AMY2B: variants seen among roughly 807,000 people sequenced by gnomAD.
AMY2B encodes amylase alpha 2B.
AMY2B carries 63 observed loss-of-function variants against 59.3 expected under a neutral mutation model. The observed-to-expected ratio is 1.06, with a 90% CI of 0.87 to 1.31. The LOEUF (loss-of-function observed/expected upper bound fraction) is 1.31, where lower values mean the gene tolerates loss of function less well. Among genes scored for constraint, AMY2B ranks in the 50% most tolerant of loss-of-function variants. AMY2B has a pLI of 0.00. For synonymous variants in AMY2B, 180 were observed against 198.1 expected, an observed-to-expected ratio of 0.91 and a Z score of 0.77; for missense variants, 635 against 626.7, an observed-to-expected ratio of 1.01 and a Z score of -0.14.
At chr1:103,574,469 T>C (rs1461800257) in intron 5 of AMY2B, 76 bp downstream of exon 5, 7 of 1,602,018 alleles carry the variant, frequency 4.4e-6, no homozygotes, top group Non-Finnish European at 5.9e-6. Flanking sequence ...AGTTATCTTC[T>C]GGAACATTCT....
At position 103,577,484 on chromosome 1, in the gene AMY2B, A is replaced by C. The variant is rs189611691; in HGVS notation, c.1102-6A>C. The C allele has an allele frequency of 8.9e-5, 143 of 1,611,872 alleles. No individual in the cohort carries two copies. The East Asian group carries it at 1.4e-3, about 16-fold the overall frequency. On this transcript the variant is annotated splice_polypyrimidine_tract_variant and splice_region_variant and intron_variant, in intron 7 of 9. Coordinates refer to ENST00000684275, the MANE Select transcript of AMY2B (RefSeq NM_001387437.1). ...TTAAAATTTGGCTTTTCACCCCCTA[A>C]TTAAGGATGTTAATGATTGGGTTGG...
At position 103,573,716 on chromosome 1, in the gene AMY2B, T is replaced by C. The variant is rs781722602; in HGVS notation, c.522T>C (p.Asp174=). The C allele has an allele frequency of 4.3e-6, 7 of 1,613,760 alleles. No homozygotes were observed. The highest frequency in any genetic ancestry group is 1.7e-4 in the Middle Eastern group (1 of 6,054). The change falls in exon 4 of 10, where the codon GAT becomes GAC. Residue 174 remains aspartate, a synonymous_variant. Transcript: ENST00000684275. ...CATTTTTACCTCAACAGGTCAGAGA[T>C]TGTCGTCTGGTTGGTCTTCTTGATC... ...ENYNDATQVR[D]CRLVGLLDLA... is the part of the protein sequence containing the mutation.
At chr1:103,566,479 G>C (rs980583539) in intron 2 of AMY2B, among the ~76,000 whole-genome samples, 4 of 152,098 alleles carry the variant, frequency 2.6e-5, no homozygotes, top group African/African-American at 9.7e-5. Flanking sequence ...ATCACAGTAT[G>C]TTATTTCAAC....
intron 7 of AMY2B, among the ~76,000 whole-genome samples, chr1:103,577,045 G>T (rs1400372693): frequency 2.0e-4 from 30 of 152,242 alleles, no homozygotes; most frequent in Non-Finnish European, 7.4e-5. Context: ...GACCTATCTG[G>T]GCAAGCTAGC....
At position 103,579,251 on chromosome 1, in the gene AMY2B, G is replaced by A. The variant is rs1181917689; in HGVS notation, c.1347-60G>A. The A allele has an allele frequency of 3.1e-6, 5 of 1,611,040 alleles. No individual in the cohort carries two copies. In the African/African-American group the frequency reaches 4.0e-5, roughly 13 times the overall value. Reference sequence around the variant, plus strand: ...ACATAAAGTTATGCTGTTTAGTTGTGTTAGCCTGTATTCTTGATTTTCAGT... The same window carrying A: ...ACATAAAGTTATGCTGTTTAGTTGTATTAGCCTGTATTCTTGATTTTCAGT... On this transcript the variant is annotated intron_variant, in intron 9 of 9. Transcript: ENST00000684275.
intron 5 of AMY2B, among the ~76,000 whole-genome samples, chr1:103,574,895 C>T (rs1318133720): frequency 6.6e-6 from 1 of 151,188 alleles, no homozygotes; most frequent in African/African-American, 2.4e-5. Context: ...GTGCTGAAAC[C>T]TCTGAAAGGA....
At chr1:103,563,360 T>C (rs1264391537) in intron 1 of AMY2B, among the ~76,000 whole-genome samples, 1 of 152,134 alleles carries the variant, frequency 6.6e-6, no homozygotes, top group Non-Finnish European at 1.5e-5. Context: ...TACTAATAAC[T>C]GAATAGCTTC....
At chr1:103,556,361 TA>T (rs1263561466) in intron 1 of AMY2B, among the ~76,000 whole-genome samples, 1 of 151,798 alleles carries the variant, frequency 6.6e-6, no homozygotes, top group Non-Finnish European at 1.5e-5. Context: ...AGAAAGATAA[TA>T]AAAGAGAGAT....
upstream of AMY2B, chr1:103,570,763 A>G (rs1234350947): frequency 2.0e-6 from 1 of 491,216 alleles, no homozygotes; most frequent in African/African-American, 2.0e-5. Flanking sequence ...ACCTCATGCT[A>G]GCCTCACCAA....
intron 1 of AMY2B, chr1:103,562,135 C>T (rs1176548610): frequency 2.6e-5 from 4 of 152,144 alleles, no homozygotes; most frequent in African/African-American, 7.2e-5. Context: ...TGTAAGTCCT[C>T]CTCCAACTTT....
exon 1 of AMY2B, chr1:103,554,897 G>T (rs553298918): frequency 6.6e-6 from 1 of 152,208 alleles, no homozygotes; most frequent in East Asian, 1.9e-4. Context: ...CTTTATAAGC[G>T]GTTTATTTAG....
upstream of AMY2B, chr1:103,570,505 G>A (rs560717741): frequency 9.4e-6 from 6 of 639,086 alleles, no homozygotes; most frequent in Admixed American, 5.5e-5. Context: ...ATCACCACCC[G>A]GGCACCTAGC....
At position 103,575,060 on chromosome 1, in the gene AMY2B, GTATATATATA is replaced by G. The variant is rs59615316; in HGVS notation, c.879-147_879-138del. Among the ~76,000 whole-genome samples the G allele has an allele frequency of 2.8e-5, 4 of 143,654 alleles. No individual in the cohort carries two copies. The East Asian group carries it at 8.2e-4, about 29-fold the overall frequency. The allele number at this position is 143,654 out of a possible 152,430, so 94.2% of individuals were successfully genotyped here. On this transcript the variant is annotated intron_variant, in intron 5 of 9. Coordinates refer to ENST00000684275, the MANE Select transcript of AMY2B (RefSeq NM_001387437.1). Reference sequence around the variant, plus strand: ...TGAGTGTGTGTTTGTGTGTGTGTATGTATATATATATATATATATATATATCTTACAGAAT... The same window carrying G: ...TGAGTGTGTGTTTGTGTGTGTGTATGTATATATATATATATCTTACAGAAT...
chr1:103,561,841 G>A (rs1284660071), intron 1 of AMY2B: 2 of 152,042 alleles, frequency 1.3e-5, no homozygotes, highest in East Asian at 1.9e-4. Flanking sequence ...AAACAGGAGT[G>A]TGGTGATCAA....
chr1:103,555,754 TTA>T (rs995432159), intron 1 of AMY2B, among the ~76,000 whole-genome samples: 1 of 152,158 alleles, frequency 6.6e-6, no homozygotes, highest in African/African-American at 2.4e-5. Flanking sequence ...AAGACAACTC[TTA>T]AAGAGTCTTG....
intron 3 of AMY2B, 120 bp from the exon 4 acceptor site, chr1:103,573,588 A>T (rs754383029): frequency 6.9e-7 from 1 of 1,455,852 alleles, no homozygotes; most frequent in Non-Finnish European, 9.5e-7. Context: ...CCAGCGCCCA[A>T]TGCAAGGAAG....
chr1:103,558,945 A>G (rs1651649212), intron 1 of AMY2B, among the ~76,000 whole-genome samples: 1 of 152,024 alleles, frequency 6.6e-6, no homozygotes, highest in African/African-American at 2.4e-5. Context: ...ACAACATAAT[A>G]TAACAAGTTT....
intron 2 of AMY2B, 109 bp from the exon 3 acceptor site, chr1:103,572,954 A>G: frequency 6.3e-7 from 1 of 1,584,710 alleles, no homozygotes. Flanking sequence ...GTTATAAGAT[A>G]TCATGAAATA....
intron 9 of AMY2B, among the ~76,000 whole-genome samples, chr1:103,579,057 T>C (rs1424239193): frequency 2.0e-5 from 3 of 152,216 alleles, no homozygotes; most frequent in Non-Finnish European, 4.4e-5. Flanking sequence ...TTCCTGCCAA[T>C]CTTCAGTGAT....
Sources: allele counts gnomAD v4.1 joint callset (sites outside exome capture counted in the v4.1 genomes callset), GRCh38; gene constraint gnomAD v4.1.1; transcripts MANE v1.5; gene names NCBI Gene and HGNC (gene_info 2026-07-23, HGNC 2026-07-21).